The following PTPRG variants were observed in gnomAD, a reference collection of about 807,000 sequenced individuals.
PTPRG encodes protein tyrosine phosphatase receptor type G.
A neutral mutation model predicts 165.3 loss-of-function variants in PTPRG; 102 were observed. The ratio of observed to expected loss-of-function variants is 0.62; its 90% CI spans 0.53 to 0.73. PTPRG has a LOEUF of 0.73. Ranked by LOEUF, PTPRG falls within the 30% of genes least tolerant of loss-of-function variation. The pLI, the probability that PTPRG is intolerant of heterozygous loss-of-function variation, is 0.00. For synonymous variants in PTPRG, 675 were observed against 669.5 expected (o/e 1.01, Z -0.13); for missense variants, 1,866 against 1,861.4 (o/e 1.00, Z -0.05).
chr3:61,781,335 A>T (rs1412452475), intron 2 of PTPRG, among the ~76,000 whole-genome samples: 1 of 152,240 alleles, frequency 6.6e-6, no homozygotes, highest in Non-Finnish European at 1.5e-5. Flanking sequence ...GACTAGGTAT[A>T]TGAGCATTTA....
At chr3:62,034,750 T>A (rs1158694435) in intron 4 of PTPRG, among the ~76,000 whole-genome samples, 1 of 152,164 alleles carries the variant, frequency 6.6e-6, no homozygotes, top group East Asian at 1.9e-4. Context: ...CGGACAAGGA[T>A]GAATGATTAA....
chr3:61,774,237 G>A (rs776430565), intron 2 of PTPRG, among the ~76,000 whole-genome samples: 2 of 152,196 alleles, frequency 1.3e-5, no homozygotes, highest in African/African-American at 4.8e-5. Flanking sequence ...GATGACTGAG[G>A]GGTTCCCAGA....
chr3:62,066,842 A>C lies in PTPRG; in HGVS notation c.520-11321A>C, dbSNP rs1434905224. On this transcript the variant is annotated intron_variant, in intron 4 of 29. Coordinates refer to ENST00000474889, the MANE Select transcript of PTPRG (RefSeq NM_002841.4). ...ATCATGAGGTCAGGAGATCTAGACCATCCTGCTCAACATGGTGAAACCCCC... is the reference window on the plus strand; with the variant it reads ...ATCATGAGGTCAGGAGATCTAGACCCTCCTGCTCAACATGGTGAAACCCCC... Among the ~76,000 whole-genome samples the C allele has an allele frequency of 2.0e-5, 3 of 152,104 alleles. No homozygotes were observed. The East Asian group carries it at 5.8e-4, about 29-fold the overall frequency.
At chr3:61,608,123 G>C (rs943319698) in intron 1 of PTPRG, among the ~76,000 whole-genome samples, 18 of 152,122 alleles carry the variant, frequency 1.2e-4, no homozygotes, top group Admixed American at 1.0e-3. Context: ...CAACTTGCCA[G>C]GGCAGAAGGC....
At chr3:61,864,476 G>A (rs1481974280) in intron 2 of PTPRG, among the ~76,000 whole-genome samples, 1 of 152,146 alleles carries the variant, frequency 6.6e-6, no homozygotes, top group Non-Finnish European at 1.5e-5. Context: ...CAAAGTAACG[G>A]AACTGAGCAT....
chr3:61,631,672 T>G (rs1254189707), intron 1 of PTPRG, among the ~76,000 whole-genome samples: 2 of 152,216 alleles, frequency 1.3e-5, no homozygotes, highest in African/African-American at 4.8e-5. Context: ...TTGCCAAAGT[T>G]TTTAAGCTCT....
At chr3:62,069,468 A>T (rs1701129419) in intron 4 of PTPRG, among the ~76,000 whole-genome samples, 1 of 152,224 alleles carries the variant, frequency 6.6e-6, no homozygotes. Flanking sequence ...GTGAGAGAAG[A>T]TGATAGAGTT....
At position 62,271,326 on chromosome 3, in the gene PTPRG, T is replaced by G; in HGVS notation, c.3010-57T>G. The stretch of plus-strand genomic sequence containing the variant: ...TGTGTCCTGACACCCTTACATTATT[T>G]TTTTCCAGAATGTCCACCCCCCCGC... On this transcript the variant is annotated intron_variant, in intron 20 of 29. Coordinates refer to ENST00000474889, the MANE Select transcript of PTPRG (RefSeq NM_002841.4). This position sits in a 1 kb window ranked among gnomAD's most constrained non-coding sequence, Gnocchi z 4.1. The G allele has an allele frequency of 6.9e-7, 1 of 1,441,606 alleles. No homozygotes were observed. The highest frequency in any genetic ancestry group is 9.5e-7 in the Non-Finnish European group (1 of 1,053,108). 89.3% of individuals were successfully genotyped at this position (1,441,606 alleles called of 1,614,324 possible). A position where few individuals can be genotyped will look rare whatever the true frequency, so the allele number is the denominator to read the frequency against.
At chr3:61,770,071 G>C (rs1211147471) in intron 2 of PTPRG, 1 of 152,190 alleles carries the variant, frequency 6.6e-6, no homozygotes, top group Non-Finnish European at 1.5e-5. Flanking sequence ...TTATTGCAAA[G>C]TGGGCGGATT....
At chr3:61,936,905 G>T (rs763665426) in intron 2 of PTPRG, among the ~76,000 whole-genome samples, 11 of 152,200 alleles carry the variant, frequency 7.2e-5, no homozygotes, top group Non-Finnish European at 8.8e-5. Context: ...AGGATGTTTG[G>T]CTTAGAAGCA....
chr3:61,956,090 TTATATA>T (rs139960761), intron 2 of PTPRG, among the ~76,000 whole-genome samples: 1 of 148,978 alleles, frequency 6.7e-6, no homozygotes, highest in African/African-American at 2.5e-5. Context: ...GGGAAAAAAA[TTATATA>T]TATATATATA....
intron 1 of PTPRG, among the ~76,000 whole-genome samples, chr3:61,686,434 C>T (rs575726684): frequency 3.3e-5 from 5 of 152,296 alleles, no homozygotes; most frequent in South Asian, 2.1e-4. Context: ...TGGTCTTAGA[C>T]GTCACTATTG....
chr3:61,732,236 T>C (rs991244955), intron 1 of PTPRG, among the ~76,000 whole-genome samples: 1 of 152,170 alleles, frequency 6.6e-6, no homozygotes, highest in Non-Finnish European at 1.5e-5. Context: ...ATTTTAAAAA[T>C]GTTGATGAGA....
chr3:61,995,978 T>A (rs1008293210), intron 3 of PTPRG, among the ~76,000 whole-genome samples: 1 of 152,142 alleles, frequency 6.6e-6, no homozygotes, highest in African/African-American at 2.4e-5. Flanking sequence ...TGCATTTGCC[T>A]CCGCTGGGGC....
At chr3:61,623,560 G>T (rs1421066243) in intron 1 of PTPRG, among the ~76,000 whole-genome samples, 1 of 152,152 alleles carries the variant, frequency 6.6e-6, no homozygotes, top group Non-Finnish European at 1.5e-5. Context: ...CAGGAGGTAG[G>T]TATAGCTTGG....
intron 4 of PTPRG, among the ~76,000 whole-genome samples, chr3:62,063,404 AG>A (rs1700885939): frequency 6.6e-6 from 1 of 152,214 alleles, no homozygotes; most frequent in South Asian, 2.1e-4. Context: ...CCAATATATC[AG>A]GAAGACGTGC....
intron 8 of PTPRG, among the ~76,000 whole-genome samples, chr3:62,169,227 G>A (rs879612332): frequency 3.3e-5 from 5 of 152,046 alleles, no homozygotes; most frequent in Non-Finnish European, 5.9e-5. Flanking sequence ...GCCTTTGCCC[G>A]GGAACTGCCC....
intron 3 of PTPRG, among the ~76,000 whole-genome samples, chr3:61,992,401 C>T (rs545543338): frequency 8.5e-5 from 13 of 152,210 alleles, no homozygotes; most frequent in Admixed American, 5.2e-4. Context: ...CTCTGTTGCC[C>T]GGGCTGGAGT....
At chr3:62,037,520 G>A (rs887428833) in intron 4 of PTPRG, among the ~76,000 whole-genome samples, 1 of 152,134 alleles carries the variant, frequency 6.6e-6, no homozygotes, top group African/African-American at 2.4e-5. Flanking sequence ...CCCTTGGGGG[G>A]GCAAAATCGT....
Sources: allele counts gnomAD v4.1 joint callset (sites outside exome capture counted in the v4.1 genomes callset), GRCh38; gene constraint gnomAD v4.1.1; non-coding constraint Gnocchi (gnomAD v3.1); transcripts MANE v1.5; gene names NCBI Gene and HGNC (gene_info 2026-07-23, HGNC 2026-07-21).